Variants in ATL3 observed in about 807,000 individuals in gnomAD.
ATL3 encodes the protein atlastin GTPase 3, also known as atlastin-3.
ATL3 carries 49 observed loss-of-function variants against 69.5 expected under a neutral mutation model. The observed-to-expected ratio is 0.71, with a 90% CI of 0.56 to 0.89. The LOEUF is 0.89. Among genes scored for constraint, ATL3 ranks in the 40% least tolerant of loss-of-function variants. The pLI is 0.00. For synonymous variants in ATL3, 214 were observed against 224.1 expected (o/e 0.95, Z 0.40); for missense variants, 606 against 645.7 (o/e 0.94, Z 0.67).
intron 1 of ATL3, among the ~76,000 whole-genome samples, chr11:63,664,001 CAT>C (rs1940499705): frequency 6.6e-6 from 1 of 152,106 alleles, no homozygotes; most frequent in Admixed American, 6.6e-5. Context: ...TTGGGCCAGG[CAT>C]ATGAGGGCAA....
intron 1 of ATL3, among the ~76,000 whole-genome samples, chr11:63,661,488 A>G (rs1940417578): frequency 6.6e-6 from 1 of 152,188 alleles, no homozygotes; most frequent in African/African-American, 2.4e-5. Flanking sequence ...CCACGCCTGT[A>G]ATCCTAGCAC....
rs986454442 is a variant in ATL3 at position 63,628,345 on chromosome 11, T to C, written c.*974A>G. Reference sequence around the variant, plus strand: ...AAAAAAAAAAAAAAAATAGAGCAAGTTGCAACAAAACTGTCAGCCTACTGG... The same window carrying C: ...AAAAAAAAAAAAAAAATAGAGCAAGCTGCAACAAAACTGTCAGCCTACTGG... On this transcript the variant is annotated 3_prime_UTR_variant, in exon 13 of 13. Transcript: ENST00000398868. 1.3e-5 allele frequency: 2 copies of C among 151,456 alleles called. No homozygotes were observed. Among genetic ancestry groups the C allele is most frequent in the Non-Finnish European group, 2.9e-5 (2 of 67,904 alleles). 9.4% of individuals were successfully genotyped at this position (151,456 alleles called of 1,614,324 possible). A position where few individuals can be genotyped will look rare whatever the true frequency, so the allele number is the denominator to read the frequency against.
intron 3 of ATL3, 133 bp from the exon 4 acceptor site, chr11:63,652,708 T>C: frequency 3.7e-6 from 2 of 547,672 alleles, no homozygotes; most frequent in East Asian, 3.0e-5. Flanking sequence ...CACCTGCTTG[T>C]AGGTTCTGTA....
At chr11:63,641,753 AAT>A (rs571268371) in intron 8 of ATL3, among the ~76,000 whole-genome samples, 44 of 152,342 alleles carry the variant, frequency 2.9e-4, no homozygotes, top group African/African-American at 1.1e-3. Flanking sequence ...ACAGGAAATT[AAT>A]ACAACCAAAA....
At chr11:63,669,530 T>C (rs1940707252) in intron 1 of ATL3, among the ~76,000 whole-genome samples, 1 of 151,332 alleles carries the variant, frequency 6.6e-6, no homozygotes. Context: ...GCAAGACTCC[T>C]TCTCACCAGA....
intron 11 of ATL3, chr11:63,632,188 C>G: frequency 1.8e-6 from 1 of 560,474 alleles, no homozygotes. Context: ...TAGAACAGAT[C>G]TATGACCAAT....
At position 63,628,834 on chromosome 11, in the gene ATL3, CAAAA is replaced by C. The variant is rs551769719; in HGVS notation, c.*481_*484del. ...CTGGTGACAGAGCGAGACTCCAACTCAAAAAAAAAAAAAAAAAAAAAAAGAATCC... is the reference window on the plus strand; with the variant it reads ...CTGGTGACAGAGCGAGACTCCAACTCAAAAAAAAAAAAAAAAAAAGAATCC... On this transcript the variant is annotated 3_prime_UTR_variant, in exon 13 of 13. Transcript: ENST00000398868. 6 of 61,726 alleles carry C rather than the reference CAAAA, an allele frequency of 9.7e-5. No homozygotes were observed. The highest frequency in any genetic ancestry group is 1.3e-4 in the Non-Finnish European group (4 of 31,186). 3.8% of individuals were successfully genotyped at this position (61,726 alleles called of 1,614,324 possible). A position where few individuals can be genotyped will look rare whatever the true frequency, so the allele number is the denominator to read the frequency against.
chr11:63,636,331 A>C lies in ATL3; in HGVS notation c.854T>G (p.Ile285Ser), dbSNP rs769032474. The change falls in exon 9 of 13, where the codon ATT becomes AGT. Residue 285 changes from isoleucine (I) to serine (S), a missense_variant. Ile to Ser is a moderately radical substitution (Grantham distance 142). Transcript: ENST00000398868. ...SPDFDGKLKD[I>S]AGEFKEQLQA... ...TAACTGCTCTTTGAATTCACCAGCA[A>C]TATCTGTTCACAGGACGACAAAGAA... 1 of 1,613,976 alleles carries C rather than the reference A, an allele frequency of 6.2e-7. No individual in the cohort carries two copies. The highest frequency in any genetic ancestry group is 1.7e-5 in the Admixed American group (1 of 59,960).
intron 8 of ATL3, among the ~76,000 whole-genome samples, chr11:63,642,470 A>G (rs139003906): frequency 3.3e-5 from 5 of 152,358 alleles, no homozygotes; most frequent in Non-Finnish European, 7.3e-5. Context: ...AAAACCTTTT[A>G]GTAGTAACTA....
rs1939045990 is a variant in ATL3 at position 63,624,652 on chromosome 11, A to C, written c.*4667T>G. The C allele has an allele frequency of 6.6e-6, 1 of 152,206 alleles. No homozygotes were observed. The highest frequency in any genetic ancestry group is 1.5e-5 in the Non-Finnish European group (1 of 68,038). The allele number at this position is 152,206 out of a possible 1,614,324, so 9.4% of individuals were successfully genotyped here. A position where few individuals can be genotyped will look rare whatever the true frequency, so the allele number is the denominator to read the frequency against. ...CTTTTTAAAAGAAAAACTATCAAAA[A>C]TTGCTTTTAAAAAATCCTAATTACA... is the stretch of plus-strand genomic sequence containing the variant. On this transcript the variant is annotated 3_prime_UTR_variant, in exon 13 of 13. Transcript: ENST00000398868.
At chr11:63,647,885 G>A (rs1447813049) in intron 5 of ATL3, among the ~76,000 whole-genome samples, 2 of 152,198 alleles carry the variant, frequency 1.3e-5, no homozygotes, top group Non-Finnish European at 2.9e-5. Context: ...GTTCTGCTAA[G>A]AAATCTGGAA....
In ATL3 at chr11:63,646,525, A is replaced by C. The variant is rs1939886339; in HGVS notation, c.600T>G (p.Ile200Met). The change falls in exon 6 of 13, where the codon ATT (isoleucine) becomes ATG (methionine). Residue 200 changes from isoleucine (I) to methionine (M), a missense_variant. Transcript: ENST00000398868. Reference sequence around the variant, plus strand: ...TTCTAACCTGGAAAGGCTTTTGGAAAATTTCATCCATTGCCAGACGACCGT... The same window carrying C: ...TTCTAACCTGGAAAGGCTTTTGGAACATTTCATCCATTGCCAGACGACCGT... Reference protein sequence around the residue: ...TEYGRLAMDEIFQKPFQTLMF... With the variant: ...TEYGRLAMDEMFQKPFQTLMF... The C allele has an allele frequency of 6.2e-7, 1 of 1,602,504 alleles. No individual in the cohort carries two copies. Among genetic ancestry groups the C allele is most frequent in the Admixed American group, 1.7e-5 (1 of 58,658 alleles).
intron 1 of ATL3, among the ~76,000 whole-genome samples, chr11:63,662,068 C>G (rs1158731321): frequency 6.6e-6 from 1 of 151,654 alleles, no homozygotes; most frequent in African/African-American, 2.4e-5. Context: ...CAAAAATTAG[C>G]CGGGCGTGGT....
At chr11:63,665,345 CAA>C (rs1234905053) in intron 1 of ATL3, among the ~76,000 whole-genome samples, 39 of 75,206 alleles carry the variant, frequency 5.2e-4, no homozygotes, top group African/African-American at 5.5e-4. Context: ...GACTCCATCT[CAA>C]AAAAAAAAAA....
In ATL3 at chr11:63,660,536, C is replaced by T. The variant is rs557974662; in HGVS notation, c.47-1284G>A. ...CTGTATCTACAAAAATTAAATATAT[C>T]TGTGATCCAGCAATTCTACTCCTAG... is the stretch of plus-strand genomic sequence containing the variant. On this transcript the variant is annotated intron_variant, in intron 1 of 12. Transcript: ENST00000398868. Among the ~76,000 whole-genome samples, 15 of 152,272 alleles carry T rather than the reference C, an allele frequency of 9.9e-5. No individual in the cohort carries two copies. In the South Asian group the frequency reaches 3.1e-3, roughly 32 times the overall value.
chr11:63,668,129 CAG>C (rs1333557460), intron 1 of ATL3, among the ~76,000 whole-genome samples: 1 of 152,196 alleles, frequency 6.6e-6, no homozygotes, highest in Non-Finnish European at 1.5e-5. Flanking sequence ...ATGTATGACT[CAG>C]GGTAAAGTTA....
intron 9 of ATL3, 37 bp from the exon 10 acceptor site, chr11:63,635,627 A>C: frequency 6.9e-7 from 1 of 1,447,520 alleles, no homozygotes; most frequent in Non-Finnish European, 9.6e-7. Context: ...ATAAAATGTT[A>C]TTCAGTCATA....
chr11:63,665,034 G>A (rs1252333811), intron 1 of ATL3, among the ~76,000 whole-genome samples: 1 of 152,160 alleles, frequency 6.6e-6, no homozygotes, highest in African/African-American at 2.4e-5. Flanking sequence ...ACAAGATGGG[G>A]TAATCCAATG....
Position 63,646,502 on chromosome 11 carries a change from C to A in ATL3, c.618+5G>T. On this transcript the variant is annotated splice_donor_5th_base_variant and intron_variant, in intron 6 of 12. Transcript: ENST00000398868. ...ATGAATTATATTTAAAATAAATATT[C>A]TAACCTGGAAAGGCTTTTGGAAAAT... 1 of 1,552,642 alleles carries A rather than the reference C, an allele frequency of 6.4e-7. No individual in the cohort carries two copies. Among genetic ancestry groups the A allele is most frequent in the African/African-American group, 1.4e-5 (1 of 73,220 alleles).
Sources: gnomAD v4.1 joint callset for allele counts (sites outside exome capture counted in the v4.1 genomes callset) on GRCh38, gnomAD v4.1.1 for gene constraint, MANE v1.5 for transcripts, NCBI Gene and HGNC (gene_info 2026-07-23, HGNC 2026-07-21) for gene names.